Variants in PKNOX1 observed in about 807,000 individuals in gnomAD.
PKNOX1 encodes the protein PBX/knotted 1 homeobox 1.
A neutral mutation model predicts 51.9 loss-of-function variants in PKNOX1; 15 were observed. The observed-to-expected ratio is 0.29, with a 90% confidence interval of 0.19 to 0.45. The LOEUF (loss-of-function observed/expected upper bound fraction) is 0.45, where lower values mean the gene tolerates loss of function less well. Among genes scored for constraint, PKNOX1 ranks in the 20% least tolerant of loss-of-function variants. The probability of loss-of-function intolerance (pLI) is 1.00; values close to 1 mark genes in which losing one functional copy is unlikely to be tolerated. For synonymous variants in PKNOX1, 219 were observed against 211.1 expected (o/e 1.04, Z -0.32); for missense variants, 462 against 547.5 (o/e 0.84, Z 1.56).
intron 1 of PKNOX1, among the ~76,000 whole-genome samples, chr21:42,984,490 G>A (rs1476931257): frequency 1.3e-5 from 2 of 152,114 alleles, no homozygotes; most frequent in East Asian, 1.9e-4. Flanking sequence ...CTGGGTTCAA[G>A]CAATTCTCCT....
At chr21:42,997,329 G>T (rs1489360821) in intron 1 of PKNOX1, among the ~76,000 whole-genome samples, 5 of 152,226 alleles carry the variant, frequency 3.3e-5, no homozygotes, top group Non-Finnish European at 5.9e-5. Context: ...GGTTGGCTCA[G>T]ACACAGTGCG....
Position 43,014,362 on chromosome 21 carries a change from G to GA in PKNOX1, c.522+1125dup, listed in dbSNP as rs556445405. ...TTAGTTGGATTTTTTTTTAACTTCTGAGTGTTGAGAGTTCTTTGCTTATTG... is the reference window on the plus strand; with the variant it reads ...TTAGTTGGATTTTTTTTTAACTTCTGAAGTGTTGAGAGTTCTTTGCTTATTG... On this transcript the variant is annotated intron_variant, in intron 5 of 10. Transcript: ENST00000291547. Among the ~76,000 whole-genome samples the GA allele has an allele frequency of 3.2e-4, 49 of 151,874 alleles. 1 individual carries two copies. Among genetic ancestry groups the GA allele is most frequent in the Admixed American group, 3.1e-3 (48 of 15,262 alleles).
At chr21:43,024,650 T>C in intron 8 of PKNOX1, 1 of 496,880 alleles carries the variant, frequency 2.0e-6, no homozygotes, top group Non-Finnish European at 3.6e-6. Context: ...TGGGGGGCGG[T>C]CTGCCTTGGC....
intron 4 of PKNOX1, among the ~76,000 whole-genome samples, chr21:43,011,419 C>A (rs1979245436): frequency 6.6e-6 from 1 of 152,158 alleles, no homozygotes; most frequent in South Asian, 2.1e-4. Context: ...CCCCCCAGGG[C>A]CAGGGCTCCA....
Position 43,011,888 on chromosome 21 carries a change from G to A in PKNOX1, c.352-1180G>A, listed in dbSNP as rs556220086. The stretch of plus-strand genomic sequence containing the variant: ...GTGCATGCTCTTTGGGTGAGGATCC[G>A]ATGCTCTCTCCACCCCTGAGTCTGT... On this transcript the variant is annotated intron_variant, in intron 4 of 10. Coordinates refer to ENST00000291547, the MANE Select transcript of PKNOX1 (RefSeq NM_004571.5). Among the ~76,000 whole-genome samples the A allele has an allele frequency of 1.8e-3, 277 of 152,170 alleles. 4 individuals are homozygous for A. The highest frequency in any genetic ancestry group is 3.3e-3 in the East Asian group (17 of 5,176).
chr21:42,980,991 C>A (rs2059022641), intron 1 of PKNOX1, among the ~76,000 whole-genome samples: 1 of 152,118 alleles, frequency 6.6e-6, no homozygotes, highest in Non-Finnish European at 1.5e-5. Context: ...ATATTGATGA[C>A]AAAAGAGACA....
intron 6 of PKNOX1, 127 bp from the exon 7 acceptor site, chr21:43,018,006 T>TA (rs1253488332): frequency 3.4e-6 from 2 of 586,658 alleles, no homozygotes; most frequent in Non-Finnish European, 5.7e-6. Context: ...AGCCAGGAGT[T>TA]AGAGACCAGC....
intron 9 of PKNOX1, among the ~76,000 whole-genome samples, chr21:43,027,768 G>T (rs234727): frequency 0.24 from 36,393 of 151,994 alleles, 4,746 homozygotes; most frequent in Non-Finnish European, 0.29. Context: ...ATACAAAAAT[G>T]AGCTGGGCGA....
In PKNOX1 at chr21:43,021,391, C is replaced by T. The variant is rs866901925; in HGVS notation, c.809C>T (p.Ala270Val). 6.2e-7 allele frequency: 1 copy of T among 1,613,010 alleles called. No individual in the cohort carries two copies. Among genetic ancestry groups the T allele is most frequent in the Non-Finnish European group, 8.5e-7 (1 of 1,179,398 alleles). Residue 270 changes from alanine to valine, a missense_variant, in exon 8 of 11, where the codon GCC becomes GTC. By Grantham distance (64) the Ala-to-Val change is moderately conservative (BLOSUM62 0). Transcript: ENST00000291547. This position sits in a 1 kb window ranked among gnomAD's most constrained non-coding sequence, Gnocchi z 4.6. ...AAGAGGGGCGTCCTGCCAAAGCATG[C>T]CACGAACGTGATGCGGTCCTGGCTC... ...KNKRGVLPKH[A>V]TNVMRSWLFQ...
chr21:43,006,659 T>C (rs1261846642), intron 2 of PKNOX1, among the ~76,000 whole-genome samples: 1 of 152,230 alleles, frequency 6.6e-6, no homozygotes, highest in Non-Finnish European at 1.5e-5. Flanking sequence ...TGGGCGTTCA[T>C]GGCTGGCCCC....
chr21:42,987,346 C>T (rs528241517), intron 1 of PKNOX1, among the ~76,000 whole-genome samples: 1 of 130,126 alleles, frequency 7.7e-6, no homozygotes, highest in African/African-American at 2.9e-5. Context: ...CGTGCCATTA[C>T]ACTCCAGCCT....
At chr21:43,013,447 G>C (rs1979344891) in intron 5 of PKNOX1, among the ~76,000 whole-genome samples, 1 of 151,868 alleles carries the variant, frequency 6.6e-6, no homozygotes, top group South Asian at 2.1e-4. Context: ...TGGGCCCCCG[G>C]TCCCATGTTT....
chr21:43,000,151 GTCT>G (rs1253800124), intron 1 of PKNOX1, among the ~76,000 whole-genome samples: 1 of 151,966 alleles, frequency 6.6e-6, no homozygotes. Flanking sequence ...ACATTTTCCT[GTCT>G]TCTTCTGAGC....
chr21:43,012,346 G>A (rs957180590), intron 4 of PKNOX1, among the ~76,000 whole-genome samples: 3 of 152,220 alleles, frequency 2.0e-5, no homozygotes, highest in Middle Eastern at 6.8e-3. Context: ...GATCACCTGA[G>A]GTCAGGAGTT....
rs545914423 is a variant in PKNOX1 at position 43,021,904 on chromosome 21, C to T, written c.849+473C>T. 1.1e-4 allele frequency among the ~76,000 whole-genome samples: 17 copies of T among 152,236 alleles called. No homozygotes were observed. Among genetic ancestry groups the T allele is most frequent in the Non-Finnish European group, 8.8e-5 (6 of 68,032 alleles). On this transcript the variant is annotated intron_variant, in intron 8 of 10. Transcript: ENST00000291547. The surrounding 1 kb of genome is among the most constrained non-coding windows in gnomAD (Gnocchi z 4.6). ...ACAGGGCGCGCCGTTTTGCCCAGCA[C>T]GTGTGCACCCGGCTTCCTCCCCCGG...
intron 1 of PKNOX1, among the ~76,000 whole-genome samples, chr21:42,985,557 A>G (rs1015480110): frequency 6.6e-6 from 1 of 150,910 alleles, no homozygotes; most frequent in Non-Finnish European, 1.5e-5. Flanking sequence ...CTGGTCTCGA[A>G]CTCCTGACTT....
intron 1 of PKNOX1, among the ~76,000 whole-genome samples, chr21:42,994,672 A>C (rs1427508110): frequency 6.6e-6 from 1 of 152,038 alleles, no homozygotes; most frequent in Non-Finnish European, 1.5e-5. Flanking sequence ...ATTTGAAAGT[A>C]AGTTTTGGAT....
chr21:43,014,182 C>T (rs1248154706), intron 5 of PKNOX1, among the ~76,000 whole-genome samples: 2 of 151,896 alleles, frequency 1.3e-5, no homozygotes, highest in East Asian at 1.9e-4. Context: ...CCACCACACC[C>T]GGCTAATTTT....
At chr21:42,975,476 G>T (rs528309593) in intron 1 of PKNOX1, among the ~76,000 whole-genome samples, 2 of 152,334 alleles carry the variant, frequency 1.3e-5, no homozygotes, top group Admixed American at 1.3e-4. Flanking sequence ...AGGAAGTGCC[G>T]GGCAGGGTCT....
Sources: gnomAD v4.1 joint callset for allele counts (sites outside exome capture counted in the v4.1 genomes callset) on GRCh38, gnomAD v4.1.1 for gene constraint, Gnocchi (gnomAD v3.1) non-coding constraint, MANE v1.5 for transcripts, NCBI Gene and HGNC (gene_info 2026-07-23, HGNC 2026-07-21) for gene names.